Variants in GNAL observed in about 807,000 individuals in gnomAD.
The protein encoded by GNAL is guanine nucleotide-binding protein G(olf) subunit alpha.
GNAL carries 18 observed loss-of-function variants against 55.1 expected under a neutral mutation model. That is an observed-to-expected ratio of 0.33 (90% confidence interval 0.23 to 0.48). GNAL has a LOEUF of 0.48. Among genes scored for constraint, GNAL ranks in the 20% least tolerant of loss-of-function variants. The probability of loss-of-function intolerance (pLI) is 0.99; values close to 1 mark genes in which losing one functional copy is unlikely to be tolerated. For synonymous variants in GNAL, 253 were observed against 237.0 expected, an observed-to-expected ratio of 1.07 and a Z score of -0.62; for missense variants, 412 against 614.1, an observed-to-expected ratio of 0.67 and a Z score of 3.48.
intron 4 of GNAL, among the ~76,000 whole-genome samples, chr18:11,764,099 G>T (rs548082717): frequency 4.0e-5 from 6 of 150,738 alleles, no homozygotes; most frequent in Non-Finnish European, 8.8e-5. Flanking sequence ...CAAATATCCT[G>T]TTTTTTTGTT....
intron 1 of GNAL, chr18:11,746,911 C>T (rs1372089768): frequency 5.6e-6 from 3 of 539,340 alleles, no homozygotes; most frequent in Non-Finnish European, 1.1e-5. Flanking sequence ...TCATATTTTC[C>T]TTGGAAACTT....
At chr18:11,718,432 T>G (rs2032023393) in intron 1 of GNAL, among the ~76,000 whole-genome samples, 1 of 152,182 alleles carries the variant, frequency 6.6e-6, no homozygotes, top group South Asian at 2.1e-4. Context: ...GATTTTACAT[T>G]CTGTCTTTGT....
intron 4 of GNAL, among the ~76,000 whole-genome samples, chr18:11,764,282 T>A (rs2033337068): frequency 2.6e-5 from 4 of 152,036 alleles, no homozygotes; most frequent in Admixed American, 2.6e-4. Flanking sequence ...TTTTTTTGTA[T>A]TTTTAGTAGA....
chr18:11,773,841 A>G (rs1040895883), intron 4 of GNAL, among the ~76,000 whole-genome samples: 4 of 152,204 alleles, frequency 2.6e-5, no homozygotes, highest in South Asian at 2.1e-4. Context: ...ATCGCATCTG[A>G]GTAATTTCGG....
chr18:11,812,837 C>T (rs1396413863), intron 4 of GNAL, among the ~76,000 whole-genome samples: 1 of 149,690 alleles, frequency 6.7e-6, no homozygotes, highest in Non-Finnish European at 1.5e-5. Context: ...AGTGAGACTC[C>T]GTCTCAAAAA....
intron 1 of GNAL, among the ~76,000 whole-genome samples, chr18:11,698,719 T>TTG (rs1555640487): frequency 6.6e-6 from 1 of 151,794 alleles, no homozygotes; most frequent in African/African-American, 2.4e-5. Context: ...GAGACTGGAA[T>TTG]GGTGGGTGCT....
intron 5 of GNAL, among the ~76,000 whole-genome samples, chr18:11,838,251 A>C (rs1191704920): frequency 2.0e-5 from 3 of 152,238 alleles, no homozygotes; most frequent in African/African-American, 7.2e-5. Context: ...GATGCATGCT[A>C]CAACATGGAT....
chr18:11,832,985 T>G (rs1483730255), intron 5 of GNAL, among the ~76,000 whole-genome samples: 1 of 152,154 alleles, frequency 6.6e-6, no homozygotes, highest in Non-Finnish European at 1.5e-5. Flanking sequence ...CCTAGATGCA[T>G]GTACATATTC....
At chr18:11,761,048 G>A (rs1025459828) in intron 4 of GNAL, among the ~76,000 whole-genome samples, 4 of 152,132 alleles carry the variant, frequency 2.6e-5, no homozygotes, top group African/African-American at 4.8e-5. Flanking sequence ...CAGAGCTAGC[G>A]CCATTCTTGG....
chr18:11,784,486 G>A (rs9675750), intron 4 of GNAL, among the ~76,000 whole-genome samples: 10,145 of 152,288 alleles, frequency 0.067, 512 homozygotes, highest in African/African-American at 0.14. Flanking sequence ...GCCTAATGCT[G>A]TGCTTTTGAA....
At chr18:11,857,706 C>G (rs527921153) in intron 5 of GNAL, 2 of 985,238 alleles carry the variant, frequency 2.0e-6, no homozygotes, top group East Asian at 2.3e-4. Flanking sequence ...CGATATGCTG[C>G]GAGTCTGGGA....
intron 9 of GNAL, among the ~76,000 whole-genome samples, 174 bp from the exon 10 acceptor site, chr18:11,872,094 A>G (rs919735439): frequency 1.3e-5 from 2 of 152,136 alleles, no homozygotes; most frequent in African/African-American, 4.8e-5. Flanking sequence ...CTGTACCTAT[A>G]TTTGTTTATC....
intron 5 of GNAL, among the ~76,000 whole-genome samples, chr18:11,832,354 C>G (rs1228281096): frequency 6.6e-6 from 1 of 152,074 alleles, no homozygotes; most frequent in Non-Finnish European, 1.5e-5. Context: ...AAAAGAGCAG[C>G]GAAAAAAGTC....
Position 11,689,463 on chromosome 18 carries a change from C to T in GNAL, c.-101C>T. On this transcript the variant is annotated 5_prime_UTR_variant, in exon 1 of 12. Transcript: ENST00000334049. The stretch of plus-strand genomic sequence containing the variant: ...GTCCGGGTGCAGCCCCCTCCCGCCC[C>T]TCCGCTGAGGCGCCGGCCTGAACTG... The T allele has an allele frequency of 2.0e-6, 1 of 494,754 alleles. No homozygotes were observed. Among genetic ancestry groups the T allele is most frequent in the East Asian group, 3.9e-5 (1 of 25,870 alleles). 30.6% of individuals were successfully genotyped at this position (494,754 alleles called of 1,614,324 possible).
At chr18:11,822,847 TTTAGA>T (rs2035141598) in intron 4 of GNAL, among the ~76,000 whole-genome samples, 1 of 148,112 alleles carries the variant, frequency 6.8e-6, no homozygotes, top group Non-Finnish European at 1.5e-5. Flanking sequence ...TTTGACCAAA[TTTAGA>T]TTAATTACTC....
chr18:11,724,179 A>G (rs925128877), intron 1 of GNAL, among the ~76,000 whole-genome samples: 1 of 152,200 alleles, frequency 6.6e-6, no homozygotes, highest in African/African-American at 2.4e-5. Flanking sequence ...AAGAGGTTTA[A>G]TTGGCTCACA....
intron 1 of GNAL, among the ~76,000 whole-genome samples, chr18:11,729,705 G>T (rs1421016935): frequency 6.6e-6 from 1 of 152,172 alleles, no homozygotes; most frequent in Non-Finnish European, 1.5e-5. Flanking sequence ...GGCATAAAAT[G>T]CTGTAAACAG....
chr18:11,861,087 G>A (rs1448070173), intron 5 of GNAL, among the ~76,000 whole-genome samples: 1 of 152,168 alleles, frequency 6.6e-6, no homozygotes, highest in African/African-American at 2.4e-5. Flanking sequence ...AAATGCTCAT[G>A]GGCACATGTC....
chr18:11,754,753 A>T (rs1185244213), intron 4 of GNAL, among the ~76,000 whole-genome samples: 1 of 152,238 alleles, frequency 6.6e-6, no homozygotes, highest in Non-Finnish European at 1.5e-5. Flanking sequence ...CTGAATGTTT[A>T]TCATATTAAA....
Sources: gnomAD v4.1 joint callset for allele counts (sites outside exome capture counted in the v4.1 genomes callset) on GRCh38, gnomAD v4.1.1 for gene constraint, MANE v1.5 for transcripts, NCBI Gene and HGNC (gene_info 2026-07-23, HGNC 2026-07-21) for gene names.